Variants in MGRN1 observed in about 807,000 individuals in gnomAD.
MGRN1 encodes the protein E3 ubiquitin-protein ligase MGRN1.
A neutral mutation model predicts 69.2 loss-of-function variants in MGRN1; 29 were observed. The ratio of observed to expected loss-of-function variants is 0.42; its 90% CI spans 0.31 to 0.57. The LOEUF is 0.57. Among genes scored for constraint, MGRN1 ranks in the 20% least tolerant of loss-of-function variants. MGRN1 has a pLI of 0.15. For synonymous variants in MGRN1, 470 were observed against 344.2 expected (o/e 1.37, Z -4.04); for missense variants, 998 against 796.2 (o/e 1.25, Z -3.05).
At chr16:4,671,054 G>A (rs560589092) in intron 8 of MGRN1, among the ~76,000 whole-genome samples, 9 of 152,200 alleles carry the variant, frequency 5.9e-5, no homozygotes, top group Admixed American at 1.3e-4. Context: ...GCCTTCAGGC[G>A]TCAGCTCCTG....
At chr16:4,683,782 G>T in intron 15 of MGRN1, 61 bp from the exon 16 acceptor site, 1 of 1,488,488 alleles carries the variant, frequency 6.7e-7, no homozygotes, top group Non-Finnish European at 9.3e-7. Context: ...CTCCTGCCCA[G>T]AGGGACCTGC....
chr16:4,669,911 A>C (rs1459523763), intron 8 of MGRN1, among the ~76,000 whole-genome samples: 1 of 152,048 alleles, frequency 6.6e-6, no homozygotes, highest in African/African-American at 2.4e-5. Flanking sequence ...CCTAAACAGC[A>C]GTGTTAGATC....
At position 4,683,879 on chromosome 16, in the gene MGRN1, A is replaced by G. The variant is rs2141982795; in HGVS notation, c.1565A>G (p.Asp522Gly). Residue 522 changes from aspartate (D) to glycine (G), a missense_variant, in exon 16 of 17, where the codon GAC (aspartate) becomes GGC (glycine). Transcript: ENST00000262370. ...GCTTCCATTGAGAATGTCCTGCAGGACAGCAGCCCCGAGCACTGTGGCCGA... is the reference window on the plus strand; with the variant it reads ...GCTTCCATTGAGAATGTCCTGCAGGGCAGCAGCCCCGAGCACTGTGGCCGA... ...RAASIENVLQ[D>G]SSPEHCGRGP... 6.3e-7 allele frequency: 1 copy of G among 1,599,254 alleles called. No individual in the cohort carries two copies.
chr16:4,656,154 C>T (rs965058137), intron 4 of MGRN1, among the ~76,000 whole-genome samples: 2 of 152,204 alleles, frequency 1.3e-5, no homozygotes, highest in African/African-American at 4.8e-5. Context: ...GAATTGGGTT[C>T]CTGCATGGAG....
rs1356929798 is a variant in MGRN1 at position 4,687,562 on chromosome 16, C to T, written c.1619-1234C>T. On this transcript the variant is annotated intron_variant, in intron 16 of 16. Transcript: ENST00000262370. The stretch of plus-strand genomic sequence containing the variant: ...CACCCACTCCAGCCTGAGACCCTGT[C>T]TCAAGAAAAAAAAAATACACACACA... 3.9e-6 allele frequency: 3 copies of T among 775,290 alleles called. No homozygotes were observed. The African/African-American group carries it at 6.8e-5, about 18-fold the overall frequency. 48.0% of individuals were successfully genotyped at this position (775,290 alleles called of 1,614,324 possible).
rs751588335 is a variant in MGRN1 at position 4,683,251 on chromosome 16, T to G, written c.1510T>G (p.Ser504Ala). 4 of 1,613,640 alleles carry G rather than the reference T, an allele frequency of 2.5e-6. No homozygotes were observed. The South Asian group carries it at 4.4e-5, about 18-fold the overall frequency. Residue 504 changes from serine to alanine, a missense_variant, in exon 15 of 17, where the codon TCG becomes GCG. Ser to Ala is a moderately conservative substitution (Grantham distance 99). Transcript: ENST00000262370. ...ESFITEEVDE[S>A]SSPQQGTRAA... is the part of the protein sequence containing the mutation. ...TTTCATAACAGAAGAGGTTGATGAG[T>G]CGTCGTCACCACAGCAAGGTGAGCG... is the stretch of plus-strand genomic sequence containing the variant.
chr16:4,638,474 A>AC (rs1217642632), intron 1 of MGRN1, among the ~76,000 whole-genome samples: 20 of 151,524 alleles, frequency 1.3e-4, no homozygotes, highest in Non-Finnish European at 2.8e-4. Context: ...CAAAAAAAAA[A>AC]ATAAATAAAT....
At chr16:4,637,846 C>T (rs561947584) in intron 1 of MGRN1, among the ~76,000 whole-genome samples, 2 of 152,334 alleles carry the variant, frequency 1.3e-5, no homozygotes, top group African/African-American at 2.4e-5. Context: ...GCCAACCAGC[C>T]CTGTCTAGGG....
intron 16 of MGRN1, chr16:4,687,333 G>C (rs2079349302): frequency 1.0e-6 from 1 of 971,594 alleles, no homozygotes; most frequent in Non-Finnish European, 1.2e-6. Context: ...TAGATCACTT[G>C]AGCCCAGGAA....
At chr16:4,679,373 A>T (rs1175171157) in intron 11 of MGRN1, among the ~76,000 whole-genome samples, 1 of 151,728 alleles carries the variant, frequency 6.6e-6, no homozygotes, top group Non-Finnish European at 1.5e-5. Context: ...GGCAGCTCTG[A>T]CCTCCACATG....
intron 5 of MGRN1, chr16:4,664,018 T>TC (rs1275996141): frequency 6.6e-6 from 1 of 152,534 alleles, no homozygotes; most frequent in East Asian, 1.9e-4. Flanking sequence ...GACCAGCACT[T>TC]CCCCTCAGAG....
Position 4,682,803 on chromosome 16 carries a change from A to C in MGRN1, c.1359-20A>C. 1 of 1,524,184 alleles carries C rather than the reference A, an allele frequency of 6.6e-7. No homozygotes were observed. The allele number at this position is 1,524,184 out of a possible 1,614,324, so 94.4% of individuals were successfully genotyped here. ...TGTCGTTATCCTCTCACCCCTGCCC[A>C]CCCTCTCCTCTGTCCCCAGCACCCT... On this transcript the variant is annotated intron_variant, in intron 13 of 16. Coordinates refer to ENST00000262370, the MANE Select transcript of MGRN1 (RefSeq NM_015246.4).
In MGRN1 at chr16:4,668,292, C is replaced by G. The variant is rs1359789058; in HGVS notation, c.706C>G (p.Pro236Ala). 6 of 1,614,036 alleles carry G rather than the reference C, an allele frequency of 3.7e-6. No homozygotes were observed. Among genetic ancestry groups the G allele is most frequent in the Non-Finnish European group, 5.1e-6 (6 of 1,179,984 alleles). Residue 236 changes from proline (P) to alanine (A), a missense_variant, in exon 8 of 17, where the codon CCT (proline) becomes GCT (alanine). Transcript: ENST00000262370. ...CATGGACGGCAGCTTCTCTGTGAAGCCTTTAAAGCAGAAGCAAATTGTAAG... is the reference window on the plus strand; with the variant it reads ...CATGGACGGCAGCTTCTCTGTGAAGGCTTTAAAGCAGAAGCAAATTGTAAG... Reference protein sequence around the residue: ...KHMDGSFSVKPLKQKQIVDRV... With the variant: ...KHMDGSFSVKALKQKQIVDRV...
chr16:4,644,082 A>G (rs368766606), intron 1 of MGRN1, among the ~76,000 whole-genome samples: 1 of 151,876 alleles, frequency 6.6e-6, no homozygotes, highest in Non-Finnish European at 1.5e-5. Flanking sequence ...GATGCAAGCA[A>G]TTCTGCTGTC....
At chr16:4,668,546 C>T (rs1171637202) in intron 8 of MGRN1, among the ~76,000 whole-genome samples, 1 of 151,658 alleles carries the variant, frequency 6.6e-6, no homozygotes, top group African/African-American at 2.4e-5. Context: ...CACATACACA[C>T]ATAAACACAC....
chr16:4,672,200 A>G (rs1659494), intron 9 of MGRN1, among the ~76,000 whole-genome samples: 76,189 of 151,808 alleles, frequency 0.5, 19,383 homozygotes, highest in East Asian at 0.65. Context: ...CACCGCGCCC[A>G]GCCTAATTTT....
chr16:4,678,508 T>G (rs865829724), intron 11 of MGRN1, among the ~76,000 whole-genome samples: 2 of 146,034 alleles, frequency 1.4e-5, no homozygotes, highest in East Asian at 2.0e-4. Flanking sequence ...GATGGAGAGA[T>G]AGGAAGAGAC....
chr16:4,679,448 C>G (rs1256859417), intron 11 of MGRN1, among the ~76,000 whole-genome samples: 3 of 152,134 alleles, frequency 2.0e-5, no homozygotes, highest in East Asian at 1.9e-4. Flanking sequence ...AAAGCAAACG[C>G]TCCTCCTCAC....
chr16:4,635,908 A>T (rs554163666), intron 1 of MGRN1, among the ~76,000 whole-genome samples: 1 of 149,450 alleles, frequency 6.7e-6, no homozygotes, highest in East Asian at 2.0e-4. Context: ...CAGCCTCCAG[A>T]AGTGCTGGGA....
Sources: allele counts gnomAD v4.1 joint callset (sites outside exome capture counted in the v4.1 genomes callset), GRCh38; gene constraint gnomAD v4.1.1; transcripts MANE v1.5; gene names NCBI Gene and HGNC (gene_info 2026-07-23, HGNC 2026-07-21).